The following TMLHE variants were observed in gnomAD, a reference collection of about 807,000 sequenced individuals.
The protein encoded by TMLHE is trimethyllysine dioxygenase, mitochondrial.
A neutral mutation model predicts 25.7 loss-of-function variants in TMLHE; 18 were observed. That is an observed-to-expected ratio of 0.70 (90% confidence interval 0.48 to 1.04). The LOEUF (loss-of-function observed/expected upper bound fraction) is 1.04, where lower values mean the gene tolerates loss of function less well. TMLHE is among the 50% of genes least tolerant of loss of function. The probability of loss-of-function intolerance (pLI) is 0.00; values close to 1 mark genes in which losing one functional copy is unlikely to be tolerated. For synonymous variants in TMLHE, 105 were observed against 97.0 expected (o/e 1.08, Z -0.49); for missense variants, 236 against 259.0 (o/e 0.91, Z 0.61).
rs1557343097 is a variant in TMLHE, at chrX:155,571,389, G to A, written c.-1-26112C>T. 5.4e-5 allele frequency among the ~76,000 whole-genome samples: 3 copies of A among 55,313 alleles called. 1 individual carries two copies. Among genetic ancestry groups the A allele is most frequent in the South Asian group, 2.1e-3 (2 of 936 alleles). The allele number at this position is 55,313 out of a possible 115,157, so 48.0% of individuals were successfully genotyped here. ...TCCAGGACCAGATGGATTCACAGCC[G>A]AATTCTACCAGAGGTACAAGGAGGA... is the stretch of plus-strand genomic sequence containing the variant. On this transcript the variant is annotated intron_variant, in intron 1 of 7. Coordinates refer to ENST00000334398, the MANE Select transcript of TMLHE (RefSeq NM_018196.4).
intron 1 of TMLHE, among the ~76,000 whole-genome samples, chrX:155,604,381 C>T (rs1236212852): frequency 3.6e-5 from 4 of 111,424 alleles, no homozygotes; most frequent in Non-Finnish European, 5.7e-5. Flanking sequence ...TCTCCCCCTC[C>T]CCATTCATCA....
At chrX:155,530,043 G>C (rs1476134207) in intron 2 of TMLHE, among the ~76,000 whole-genome samples, 2 of 111,617 alleles carry the variant, frequency 1.8e-5, no homozygotes, top group Admixed American at 1.9e-4. Flanking sequence ...GATGACAAAG[G>C]TCCAATTTCA....
At chrX:155,538,458 T>A (rs1179668340) in intron 2 of TMLHE, among the ~76,000 whole-genome samples, 1 of 111,598 alleles carries the variant, frequency 9.0e-6, no homozygotes, top group African/African-American at 3.3e-5. Context: ...CTCAAATTAG[T>A]ACTCAATATA....
At chrX:155,534,772 T>C (rs997948642) in intron 2 of TMLHE, among the ~76,000 whole-genome samples, 5 of 111,431 alleles carry the variant, frequency 4.5e-5, no homozygotes, top group Non-Finnish European at 9.4e-5. Flanking sequence ...AAGGTATGTA[T>C]TTTATGTGAG....
chrX:155,525,768 T>C (rs2067216306), intron 2 of TMLHE, among the ~76,000 whole-genome samples: 1 of 112,354 alleles, frequency 8.9e-6, no homozygotes, highest in Non-Finnish European at 1.9e-5. Flanking sequence ...ACTCTTGCTA[T>C]GCTTTATCAG....
At chrX:155,557,684 T>C (rs782461044) in intron 1 of TMLHE, among the ~76,000 whole-genome samples, 3 of 111,311 alleles carry the variant, frequency 2.7e-5, no homozygotes, top group African/African-American at 9.8e-5. Flanking sequence ...TGAAGCACCT[T>C]TTAATGACAT....
chrX:155,548,524 A>G (rs1335660397), intron 1 of TMLHE, among the ~76,000 whole-genome samples: 3 of 108,446 alleles, frequency 2.8e-5, no homozygotes, highest in Non-Finnish European at 5.7e-5. Flanking sequence ...TCACAAGGTC[A>G]GCAGTATGAG....
chrX:155,579,322 G>A (rs782239197), intron 1 of TMLHE, among the ~76,000 whole-genome samples: 19 of 111,792 alleles, frequency 1.7e-4, no homozygotes, highest in East Asian at 5.6e-4. Context: ...GAACAAAGAC[G>A]GAGGTATCTC....
intron 1 of TMLHE, among the ~76,000 whole-genome samples, chrX:155,555,666 T>G (rs2067447784): frequency 9.0e-6 from 1 of 111,286 alleles, no homozygotes; most frequent in Non-Finnish European, 1.9e-5. Flanking sequence ...GTTGGCTGCA[T>G]AAATGTCTTT....
chrX:155,569,283 GA>G (rs1160441884), intron 1 of TMLHE, among the ~76,000 whole-genome samples: 1 of 56,833 alleles, frequency 1.8e-5, no homozygotes, highest in Admixed American at 2.1e-4. Context: ...GAAGTTTAGA[GA>G]AAAAAGAATA....
Position 155,544,163 on chromosome X carries a change from ATTGT to A in TMLHE, c.181+929_181+932del, listed in dbSNP as rs199787450. Among the ~76,000 whole-genome samples the A allele has an allele frequency of 6.8e-3, 755 of 111,679 alleles. 6 individuals carry two copies. Among genetic ancestry groups the A allele is most frequent in the African/African-American group, 0.023 (714 of 30,753 alleles). On this transcript the variant is annotated intron_variant, in intron 2 of 7. Coordinates refer to ENST00000334398, the MANE Select transcript of TMLHE (RefSeq NM_018196.4). ...GTGTCTTGGAAGTGTGACTTTAACA[ATTGT>A]TTTTGTTTCTCTTCCAGGGTGTGGT... is the stretch of plus-strand genomic sequence containing the variant.
At position 155,612,849 on chromosome X, in the gene TMLHE, G is replaced by T. The variant is rs1300162379; in HGVS notation, c.-59C>A. ...GAGTGGGCAGAATTCCAAGCAAGGA[G>T]AGTCTCGGGAGGCAGCCTTTCACCC... On this transcript the variant is annotated 5_prime_UTR_variant, in exon 1 of 8. Coordinates refer to ENST00000334398, the MANE Select transcript of TMLHE (RefSeq NM_018196.4). The T allele has an allele frequency of 8.9e-6, 1 of 112,132 alleles. No homozygotes were observed. The highest frequency in any genetic ancestry group is 1.9e-5 in the Non-Finnish European group (1 of 53,135). The allele number at this position is 112,132 out of a possible 1,213,427, so 9.2% of individuals were successfully genotyped here. A position where few individuals can be genotyped will look rare whatever the true frequency, so the allele number is the denominator to read the frequency against.
intron 2 of TMLHE, among the ~76,000 whole-genome samples, chrX:155,528,802 G>T (rs1158781565): frequency 9.0e-6 from 1 of 111,409 alleles, no homozygotes; most frequent in African/African-American, 3.3e-5. Context: ...ACACAAACAG[G>T]TGTCTTTTTG....
chrX:155,599,689 TAGTG>T (rs781820167), intron 1 of TMLHE, among the ~76,000 whole-genome samples: 71 of 111,779 alleles, frequency 6.4e-4, no homozygotes, highest in African/African-American at 2.0e-3. Flanking sequence ...TATTTATTGA[TAGTG>T]AGACAAAAAT....
At chrX:155,551,009 T>G (rs1429592761) in intron 1 of TMLHE, among the ~76,000 whole-genome samples, 1 of 110,540 alleles carries the variant, frequency 9.0e-6, no homozygotes, top group Non-Finnish European at 1.9e-5. Flanking sequence ...AAAAGGTGCT[T>G]GGCCCTTTAA....
intron 1 of TMLHE, among the ~76,000 whole-genome samples, chrX:155,549,317 G>C (rs1449401194): frequency 1.8e-5 from 2 of 110,291 alleles, no homozygotes; most frequent in African/African-American, 3.4e-5. Context: ...AAACATTCTA[G>C]TTTCATGATT....
chrX:155,598,902 G>A (rs1557346879), intron 1 of TMLHE, among the ~76,000 whole-genome samples: 1 of 110,477 alleles, frequency 9.1e-6, no homozygotes, highest in African/African-American at 3.3e-5. Context: ...CAGAAATTAT[G>A]ATGTTCTTCT....
chrX:155,556,068 A>G (rs1209588606), intron 1 of TMLHE, among the ~76,000 whole-genome samples: 1 of 109,752 alleles, frequency 9.1e-6, no homozygotes, highest in African/African-American at 3.3e-5. Context: ...GACTTGAAGC[A>G]AGAAAGGGAG....
At chrX:155,544,455 G>T (rs782028980) in intron 2 of TMLHE, among the ~76,000 whole-genome samples, 4 of 111,843 alleles carry the variant, frequency 3.6e-5, no homozygotes, top group Non-Finnish European at 7.5e-5. Context: ...TAAAGCCAAG[G>T]ATTGCCAGCA....
Sources: gnomAD v4.1 joint callset for allele counts (sites outside exome capture counted in the v4.1 genomes callset) on GRCh38, gnomAD v4.1.1 for gene constraint, MANE v1.5 for transcripts, NCBI Gene and HGNC (gene_info 2026-07-23, HGNC 2026-07-21) for gene names.